Variants in SAMD4A observed in about 807,000 individuals in gnomAD.
SAMD4A encodes the protein sterile alpha motif domain containing 4A, also known as protein Smaug homolog 1.
In SAMD4A, 33 loss-of-function variants were observed where a neutral mutation model predicts 81.3. The observed-to-expected ratio is 0.41, with a 90% confidence interval of 0.31 to 0.54. The LOEUF (loss-of-function observed/expected upper bound fraction) is 0.54, where lower values mean the gene tolerates loss of function less well. Ranked by LOEUF, SAMD4A falls within the 20% of genes least tolerant of loss-of-function variation. The pLI is 0.37. For missense variants in SAMD4A, 854 were observed against 951.1 expected (o/e 0.90, Z 1.34); for synonymous variants, 389 against 382.1 (o/e 1.02, Z -0.21).
At chr14:54,568,467 TTCC>T (rs986137747) in intron 2 of SAMD4A, among the ~76,000 whole-genome samples, 1 of 151,700 alleles carries the variant, frequency 6.6e-6, no homozygotes, top group African/African-American at 2.4e-5. Context: ...TGTTTTTTCC[TTCC>T]TCCTCCTTCT....
intron 2 of SAMD4A, among the ~76,000 whole-genome samples, chr14:54,590,755 C>T (rs956164690): frequency 2.6e-5 from 4 of 152,160 alleles, no homozygotes; most frequent in Non-Finnish European, 5.9e-5. Context: ...TGTGTATTCC[C>T]CAGACTACCA....
At chr14:54,595,198 T>C (rs1308790779) in intron 2 of SAMD4A, among the ~76,000 whole-genome samples, 1 of 152,156 alleles carries the variant, frequency 6.6e-6, no homozygotes, top group Non-Finnish European at 1.5e-5. Flanking sequence ...TTCTCAGGTA[T>C]AGCCATTTTA....
intron 2 of SAMD4A, among the ~76,000 whole-genome samples, chr14:54,614,577 G>A (rs551225612): frequency 3.9e-5 from 6 of 152,136 alleles, no homozygotes; most frequent in Admixed American, 1.3e-4. Flanking sequence ...GCCAGTGGTC[G>A]GCACCTTTCC....
chr14:54,609,635 A>G (rs956869208), intron 2 of SAMD4A, among the ~76,000 whole-genome samples: 3 of 152,188 alleles, frequency 2.0e-5, no homozygotes, highest in Non-Finnish European at 4.4e-5. Flanking sequence ...GGTAAATTTA[A>G]CAAGACAAGT....
intron 2 of SAMD4A, among the ~76,000 whole-genome samples, chr14:54,660,080 A>AG (rs1196044476): frequency 6.6e-6 from 1 of 151,848 alleles, no homozygotes; most frequent in Admixed American, 6.6e-5. Flanking sequence ...ACTCCGTCTC[A>AG]GAAAAAAAAA....
chr14:54,609,119 A>T (rs1463722600), intron 2 of SAMD4A, among the ~76,000 whole-genome samples: 3 of 152,192 alleles, frequency 2.0e-5, no homozygotes, highest in South Asian at 4.1e-4. Context: ...TTGCAGATGA[A>T]ATTCGTTCTT....
At chr14:54,662,061 C>T (rs979503062) in intron 2 of SAMD4A, among the ~76,000 whole-genome samples, 1 of 152,190 alleles carries the variant, frequency 6.6e-6, no homozygotes, top group Non-Finnish European at 1.5e-5. Flanking sequence ...AGAGGTGACT[C>T]TCAGACACAG....
chr14:54,757,277 C>T (rs181122370), intron 6 of SAMD4A, among the ~76,000 whole-genome samples: 1 of 152,140 alleles, frequency 6.6e-6, no homozygotes, highest in Admixed American at 6.5e-5. Flanking sequence ...ATCTTTGAGA[C>T]AATGGCTTGA....
chr14:54,784,440 C>T (rs1345553220), intron 11 of SAMD4A, 97 bp from the exon 12 acceptor site: 3 of 1,613,110 alleles, frequency 1.9e-6, no homozygotes, highest in African/African-American at 1.3e-5. Flanking sequence ...CCAAGTCCTC[C>T]CAGGGAGGTA....
intron 2 of SAMD4A, among the ~76,000 whole-genome samples, chr14:54,678,821 T>C (rs112002501): frequency 0.056 from 8,574 of 152,216 alleles, 820 homozygotes; most frequent in African/African-American, 0.2. Context: ...GTGCTGGGAT[T>C]ACAGGCGTGA....
rs555260593 is a variant in SAMD4A, at chr14:54,784,258, T to C, written c.2045-279T>C. 34 of 1,127,244 alleles carry C rather than the reference T, an allele frequency of 3.0e-5. No homozygotes were observed. In the East Asian group the frequency reaches 8.0e-4, roughly 27 times the overall value. 69.8% of individuals were successfully genotyped at this position (1,127,244 alleles called of 1,614,324 possible). On this transcript the variant is annotated intron_variant, in intron 11 of 12. Coordinates refer to ENST00000554335, the MANE Select transcript of SAMD4A (RefSeq NM_015589.6). ...GGCAGGAGGTTGGCTGTTACTTTGA[T>C]GGGAGGCCGCTGGAGGGTTCTGAGC...
chr14:54,707,876 G>A (rs1037572526), intron 3 of SAMD4A, among the ~76,000 whole-genome samples: 6 of 152,188 alleles, frequency 3.9e-5, no homozygotes, highest in African/African-American at 1.2e-4. Context: ...GAAGGCTGGT[G>A]TCTGAAAGGG....
At chr14:54,779,490 C>T (rs982661448) in intron 11 of SAMD4A, among the ~76,000 whole-genome samples, 7 of 152,200 alleles carry the variant, frequency 4.6e-5, no homozygotes, top group African/African-American at 1.7e-4. Flanking sequence ...AATAACTCTA[C>T]TGATGGGAGA....
At chr14:54,689,738 T>G (rs8022683) in intron 2 of SAMD4A, 59,864 of 152,150 alleles carry the variant, frequency 0.39, 12,579 homozygotes, top group Non-Finnish European at 0.46. Context: ...TGGGCTCCGA[T>G]TGTCCAGGTG....
At position 54,638,194 on chromosome 14, in the gene SAMD4A, T is replaced by C. The variant is rs555736244; in HGVS notation, c.197-63868T>C. On this transcript the variant is annotated intron_variant, in intron 2 of 12. Coordinates refer to ENST00000554335, the MANE Select transcript of SAMD4A (RefSeq NM_015589.6). ...TTGCTTAAGCAAGTCACACAGTAGA[T>C]GCCACAGGCTTAGGGCAACTGTGTG... 1.2e-4 allele frequency among the ~76,000 whole-genome samples: 18 copies of C among 152,306 alleles called. No individual in the cohort carries two copies. In the South Asian group the frequency reaches 2.5e-3, roughly 21 times the overall value.
chr14:54,745,547 A>AT (rs1178826880), intron 4 of SAMD4A, among the ~76,000 whole-genome samples: 1 of 152,152 alleles, frequency 6.6e-6, no homozygotes, highest in African/African-American at 2.4e-5. Flanking sequence ...TGCTGTTATA[A>AT]TTTTTGTATA....
At chr14:54,777,089 A>T (rs1412450058) in intron 11 of SAMD4A, among the ~76,000 whole-genome samples, 2 of 152,218 alleles carry the variant, frequency 1.3e-5, no homozygotes, top group East Asian at 3.8e-4. Flanking sequence ...TGCACAGCTA[A>T]TGAATACTTG....
In SAMD4A at chr14:54,648,562, G is replaced by T. The variant is rs111976699; in HGVS notation, c.197-53500G>T. Reference sequence around the variant, plus strand: ...TCAATTTAATGTTTGCAGAGTGGTAGTATTTAATTCATGTGCACAGATGAT... The same window carrying T: ...TCAATTTAATGTTTGCAGAGTGGTATTATTTAATTCATGTGCACAGATGAT... On this transcript the variant is annotated intron_variant, in intron 2 of 12. Transcript: ENST00000554335. Among the ~76,000 whole-genome samples the T allele has an allele frequency of 7.3e-3, 1,113 of 152,348 alleles. 13 individuals are homozygous for T. The highest frequency in any genetic ancestry group is 0.025 in the African/African-American group (1,028 of 41,564).
At chr14:54,749,462 T>C (rs1594893662) in intron 5 of SAMD4A, among the ~76,000 whole-genome samples, 1 of 152,228 alleles carries the variant, frequency 6.6e-6, no homozygotes, top group East Asian at 1.9e-4. Context: ...AAAAGTCATG[T>C]TCAGGCCAGT....
Sources: gnomAD v4.1 joint callset for allele counts (sites outside exome capture counted in the v4.1 genomes callset) on GRCh38, gnomAD v4.1.1 for gene constraint, MANE v1.5 for transcripts, NCBI Gene and HGNC (gene_info 2026-07-23, HGNC 2026-07-21) for gene names.